The following RORA variants were observed in gnomAD, a reference collection of about 807,000 sequenced individuals.
RORA encodes the protein RAR related orphan receptor A, also known as nuclear receptor ROR-alpha.
RORA carries 7 observed loss-of-function variants against 69.5 expected under a neutral mutation model. The ratio of observed to expected loss-of-function variants is 0.10; its 90% CI spans 0.06 to 0.19. The LOEUF is 0.19. RORA is among the 10% of genes least tolerant of loss of function. The probability of loss-of-function intolerance (pLI) is 1.00; values close to 1 mark genes in which losing one functional copy is unlikely to be tolerated. For synonymous variants in RORA, 261 were observed against 240.8 expected, an observed-to-expected ratio of 1.08 and a Z score of -0.78; for missense variants, 457 against 663.0, an observed-to-expected ratio of 0.69 and a Z score of 3.41.
intron 1 of RORA, among the ~76,000 whole-genome samples, chr15:61,203,938 G>C (rs1262928177): frequency 2.6e-5 from 4 of 152,206 alleles, no homozygotes; most frequent in African/African-American, 9.7e-5. Context: ...TGTTCAAAAT[G>C]TTTGCAGAGA....
intron 2 of RORA, among the ~76,000 whole-genome samples, chr15:60,597,549 A>ACAACATATATATATATATATATATAC (rs1335197252): frequency 2.7e-5 from 1 of 37,560 alleles, no homozygotes; most frequent in Non-Finnish European, 4.7e-5. Context: ...ACACACACAC[A>ACAACATATATATATATATATATATAC]ACATATATAT....
chr15:60,748,068 A>G (rs539557180), intron 1 of RORA, among the ~76,000 whole-genome samples: 1 of 152,328 alleles, frequency 6.6e-6, no homozygotes, highest in African/African-American at 2.4e-5. Flanking sequence ...AATCTCCAGC[A>G]AACAGTGGCA....
intron 1 of RORA, among the ~76,000 whole-genome samples, chr15:60,916,950 T>G (rs1164641991): frequency 1.3e-5 from 2 of 151,948 alleles, no homozygotes; most frequent in African/African-American, 4.8e-5. Context: ...TTTGGGCCAG[T>G]TCTACACTGT....
intron 1 of RORA, among the ~76,000 whole-genome samples, chr15:60,708,313 T>C (rs2071094373): frequency 6.6e-6 from 1 of 151,858 alleles, no homozygotes; most frequent in Non-Finnish European, 1.5e-5. Flanking sequence ...TCCCACCTAC[T>C]TGGGAGGCTG....
chr15:61,008,203 CTG>C (rs10581853), intron 1 of RORA, among the ~76,000 whole-genome samples: 10,373 of 134,934 alleles, frequency 0.077, 380 homozygotes, highest in Non-Finnish European at 0.085. Flanking sequence ...CTCTCTCTCT[CTG>C]TGTGTGTGTG....
chr15:61,089,726 T>C (rs1417383091), intron 1 of RORA, among the ~76,000 whole-genome samples: 1 of 152,142 alleles, frequency 6.6e-6, no homozygotes, highest in East Asian at 1.9e-4. Flanking sequence ...AACAGACCTA[T>C]CCAGCTGCAG....
intron 1 of RORA, among the ~76,000 whole-genome samples, chr15:61,010,761 G>T (rs1895061521): frequency 6.6e-6 from 1 of 152,168 alleles, no homozygotes; most frequent in Non-Finnish European, 1.5e-5. Context: ...GCTGTGTTAT[G>T]CCCAGTGGAC....
intron 1 of RORA, among the ~76,000 whole-genome samples, chr15:60,799,315 A>G (rs934972938): frequency 2.6e-5 from 4 of 152,222 alleles, no homozygotes; most frequent in Non-Finnish European, 4.4e-5. Context: ...CAAAGGTGAC[A>G]GACTGATGAG....
Position 60,503,582 on chromosome 15 carries a change from C to T in RORA, c.1028G>A (p.Gly343Glu), listed in dbSNP as rs1489642939. Residue 343 changes from glycine to glutamate, a missense_variant, in exon 7 of 11, where the codon GGA becomes GAA. Physicochemically the swap from Gly to Glu is moderately conservative, Grantham distance 98 (BLOSUM62 -2). Coordinates refer to ENST00000335670, the MANE Select transcript of RORA (RefSeq NM_134261.3). Reference sequence around the variant, plus strand: ...ATCATTTTGACACAGTTCCATAAATCCATCAATGCGTTTGGCAAACTCCAC... The same window carrying T: ...ATCATTTTGACACAGTTCCATAAATTCATCAATGCGTTTGGCAAACTCCAC... ...YVVEFAKRID[G>E]FMELCQNDQI... 6.2e-7 allele frequency: 1 copy of T among 1,614,110 alleles called. No homozygotes were observed. The highest frequency in any genetic ancestry group is 1.7e-5 in the Admixed American group (1 of 60,022).
Position 60,898,921 on chromosome 15 carries a change from G to T in RORA, c.167-220235C>A, listed in dbSNP as rs185810786. ...ATGGGTTTGGGGTCAATGAATGCAT[G>T]TTCTCAGGCTTACTAATAGATGAGA... On this transcript the variant is annotated intron_variant, in intron 1 of 10. Coordinates refer to ENST00000335670, the MANE Select transcript of RORA (RefSeq NM_134261.3). Among the ~76,000 whole-genome samples, 214 of 152,286 alleles carry T rather than the reference G, an allele frequency of 1.4e-3. 1 individual carries two copies. Among genetic ancestry groups the T allele is most frequent in the African/African-American group, 4.9e-3 (202 of 41,542 alleles).
At chr15:61,015,446 TA>T (rs1272853701) in intron 1 of RORA, among the ~76,000 whole-genome samples, 2 of 151,444 alleles carry the variant, frequency 1.3e-5, no homozygotes, top group African/African-American at 2.4e-5. Flanking sequence ...AATTTTTAAG[TA>T]AAAAAAATTA....
At chr15:61,121,129 C>T (rs1215056081) in intron 1 of RORA, among the ~76,000 whole-genome samples, 3 of 152,166 alleles carry the variant, frequency 2.0e-5, no homozygotes, top group Non-Finnish European at 4.4e-5. Flanking sequence ...GGGTTACAGA[C>T]GTGGGCCACC....
At chr15:61,018,444 T>C (rs1052506684) in intron 1 of RORA, among the ~76,000 whole-genome samples, 4 of 152,150 alleles carry the variant, frequency 2.6e-5, no homozygotes, top group African/African-American at 9.7e-5. Context: ...GGAAAGTACT[T>C]TATAAATGTA....
intron 1 of RORA, among the ~76,000 whole-genome samples, chr15:60,874,636 T>A (rs1336641019): frequency 6.6e-6 from 1 of 152,224 alleles, no homozygotes. Context: ...TTCCAGCGTA[T>A]AAAATTTCTT....
rs111534735 is a variant in RORA, at chr15:60,908,877, A to AT, written c.167-230192dup. 6.6e-3 allele frequency among the ~76,000 whole-genome samples: 968 copies of AT among 145,632 alleles called. 1 individual carries two copies. Among genetic ancestry groups the AT allele is most frequent in the African/African-American group, 0.016 (631 of 39,898 alleles). On this transcript the variant is annotated intron_variant, in intron 1 of 10. Coordinates refer to ENST00000335670, the MANE Select transcript of RORA (RefSeq NM_134261.3). ...TTTTACTTTATTTTTATTTCATTTC[A>AT]TTTTTTTTTTTTATTAAAGAGAGTT...
intron 1 of RORA, among the ~76,000 whole-genome samples, chr15:61,221,525 T>C (rs1596082566): frequency 6.6e-6 from 1 of 152,226 alleles, no homozygotes; most frequent in Admixed American, 6.5e-5. Context: ...TTTCCCCCAT[T>C]AAGCACAGAC....
At chr15:60,592,395 G>A in intron 2 of RORA, 2 of 1,434,434 alleles carry the variant, frequency 1.4e-6, no homozygotes, top group South Asian at 1.4e-5. Flanking sequence ...ACCTTTCATC[G>A]CTGCGATCAC....
chr15:61,015,233 CT>C (rs926770895), intron 1 of RORA, among the ~76,000 whole-genome samples: 25 of 152,176 alleles, frequency 1.6e-4, no homozygotes, highest in African/African-American at 6.0e-4. Flanking sequence ...AAGGAAAGCC[CT>C]GGCGGCAGAT....
Position 60,534,697 on chromosome 15 carries a change from A to G in RORA, c.197-2846T>C, listed in dbSNP as rs2066625678. 6.6e-6 allele frequency among the ~76,000 whole-genome samples: 1 copy of G among 152,134 alleles called. No individual in the cohort carries two copies. Among genetic ancestry groups the G allele is most frequent in the African/African-American group, 2.4e-5 (1 of 41,412 alleles). ...GCTTGGTTCTCTTATCTCAGATGACAATTTCAGTTGCAAATGCACTTTAGG... is the reference window on the plus strand; with the variant it reads ...GCTTGGTTCTCTTATCTCAGATGACGATTTCAGTTGCAAATGCACTTTAGG... On this transcript the variant is annotated intron_variant, in intron 2 of 10. Transcript: ENST00000335670. The surrounding 1 kb of genome is among the most constrained non-coding windows in gnomAD (Gnocchi z 5.0).
Sources: allele counts gnomAD v4.1 joint callset (sites outside exome capture counted in the v4.1 genomes callset), GRCh38; gene constraint gnomAD v4.1.1; non-coding constraint Gnocchi (gnomAD v3.1); transcripts MANE v1.5; gene names NCBI Gene and HGNC (gene_info 2026-07-23, HGNC 2026-07-21).